Variants in SGCZ observed in about 807,000 individuals in gnomAD.
SGCZ encodes the protein sarcoglycan zeta.
Under a neutral mutation model 41.3 loss-of-function variants are expected in SGCZ, and 40 were observed. The ratio of observed to expected loss-of-function variants is 0.97; its 90% CI spans 0.75 to 1.26. SGCZ has a LOEUF of 1.26. Ranked by LOEUF, SGCZ falls within the 50% of genes most tolerant of loss-of-function variation. The probability of loss-of-function intolerance (pLI) is 0.00; values close to 1 mark genes in which losing one functional copy is unlikely to be tolerated. For missense variants in SGCZ, 552 were observed against 369.8 expected (o/e 1.49, Z -4.04); for synonymous variants, 206 against 137.5 (o/e 1.50, Z -3.49).
chr8:14,444,845 G>A (rs562512333), intron 2 of SGCZ, among the ~76,000 whole-genome samples: 2 of 152,052 alleles, frequency 1.3e-5, no homozygotes, highest in East Asian at 3.9e-4. Flanking sequence ...AATGAAGCCA[G>A]CTCTTAGATC....
At chr8:14,581,034 T>C (rs1804871245) in intron 1 of SGCZ, among the ~76,000 whole-genome samples, 2 of 152,212 alleles carry the variant, frequency 1.3e-5, no homozygotes, top group East Asian at 1.9e-4. Context: ...TCCTGTGAGA[T>C]ACTTTCCTCT....
chr8:14,832,953 A>C (rs1165503916), intron 1 of SGCZ, among the ~76,000 whole-genome samples: 1 of 152,080 alleles, frequency 6.6e-6, no homozygotes, highest in Non-Finnish European at 1.5e-5. Context: ...ATTACCATGA[A>C]TTTTAAAATA....
At chr8:14,890,519 C>A (rs938377444) in intron 1 of SGCZ, among the ~76,000 whole-genome samples, 13 of 152,116 alleles carry the variant, frequency 8.5e-5, no homozygotes, top group African/African-American at 3.1e-4. Context: ...GGAAGCTCAA[C>A]AAGAAAAGTT....
intron 2 of SGCZ, among the ~76,000 whole-genome samples, chr8:14,387,705 A>G (rs528809073): frequency 2.0e-5 from 3 of 152,008 alleles, no homozygotes; most frequent in Non-Finnish European, 4.4e-5. Flanking sequence ...GAGCACAAAA[A>G]GTACATTAAT....
intron 2 of SGCZ, among the ~76,000 whole-genome samples, chr8:14,438,000 A>G (rs1258953385): frequency 6.6e-6 from 1 of 151,976 alleles, no homozygotes; most frequent in Non-Finnish European, 1.5e-5. Context: ...AAATTTTATG[A>G]GCATTGTAAT....
At chr8:15,056,930 A>G (rs528205490) in intron 1 of SGCZ, among the ~76,000 whole-genome samples, 1 of 152,258 alleles carries the variant, frequency 6.6e-6, no homozygotes, top group Admixed American at 6.5e-5. Flanking sequence ...GGCAAGCTGA[A>G]GGTGACAAGG....
rs1203143786 is a variant in SGCZ at position 14,807,351 on chromosome 8, C to A, written c.40-252425G>T. Among the ~76,000 whole-genome samples the A allele has an allele frequency of 5.3e-5, 8 of 152,074 alleles. No individual in the cohort carries two copies. In the East Asian group the frequency reaches 1.2e-3, roughly 22 times the overall value. On this transcript the variant is annotated intron_variant, in intron 1 of 7. Transcript: ENST00000382080. ...AAACCCCATTGTCTCAGCCCAAAATCTCCTTAAGCTGATAAGCAACTTCAG... is the reference window on the plus strand; with the variant it reads ...AAACCCCATTGTCTCAGCCCAAAATATCCTTAAGCTGATAAGCAACTTCAG...
intron 1 of SGCZ, among the ~76,000 whole-genome samples, chr8:14,579,466 C>A (rs1160995925): frequency 6.6e-6 from 1 of 152,156 alleles, no homozygotes; most frequent in East Asian, 1.9e-4. Flanking sequence ...TCAAGTGAAG[C>A]AGTATTGATC....
intron 1 of SGCZ, among the ~76,000 whole-genome samples, chr8:14,840,706 A>G (rs1312168835): frequency 6.6e-6 from 1 of 152,082 alleles, no homozygotes; most frequent in South Asian, 2.1e-4. Context: ...TCTTGTCAGG[A>G]GCTATATTTT....
At chr8:15,034,286 A>T (rs1803791596) in intron 1 of SGCZ, among the ~76,000 whole-genome samples, 1 of 152,148 alleles carries the variant, frequency 6.6e-6, no homozygotes. Context: ...AAAATTAAAC[A>T]GAAATTTGGG....
intron 1 of SGCZ, among the ~76,000 whole-genome samples, chr8:14,910,182 AAC>A (rs1799241598): frequency 1.4e-5 from 2 of 143,026 alleles, no homozygotes; most frequent in South Asian, 4.4e-4. Context: ...CAAAACCAGT[AAC>A]ATATCTTCCA....
At chr8:14,451,737 A>C (rs568551868) in intron 2 of SGCZ, among the ~76,000 whole-genome samples, 2 of 152,326 alleles carry the variant, frequency 1.3e-5, no homozygotes, top group East Asian at 3.9e-4. Context: ...TAAGCATATA[A>C]AAAATGTCCA....
At chr8:15,217,851 G>A (rs1315276229) in intron 1 of SGCZ, among the ~76,000 whole-genome samples, 1 of 152,148 alleles carries the variant, frequency 6.6e-6, no homozygotes, top group Non-Finnish European at 1.5e-5. Context: ...ACTTTGGGAG[G>A]CTGAGTTGGA....
rs117576463 is a variant in SGCZ at position 14,996,975 on chromosome 8, G to A, written c.39+240610C>T. Among the ~76,000 whole-genome samples, 604 of 152,318 alleles carry A rather than the reference G, an allele frequency of 4.0e-3. 3 individuals are homozygous for A. Among genetic ancestry groups the A allele is most frequent in the Admixed American group, 5.8e-3 (88 of 15,302 alleles). ...AATTACTACTCTACATAGTAAGGAA[G>A]ACGCTCTTTTGTGTTCATTTGAAAA... is the stretch of plus-strand genomic sequence containing the variant. On this transcript the variant is annotated intron_variant, in intron 1 of 7. Coordinates refer to ENST00000382080, the MANE Select transcript of SGCZ (RefSeq NM_139167.4).
intron 1 of SGCZ, among the ~76,000 whole-genome samples, chr8:14,780,826 A>C (rs1800567138): frequency 6.6e-6 from 1 of 152,176 alleles, no homozygotes; most frequent in African/African-American, 2.4e-5. Flanking sequence ...TTACTTCCAG[A>C]GGAATGATTT....
chr8:14,669,620 A>T (rs1808036196), intron 1 of SGCZ, among the ~76,000 whole-genome samples: 1 of 151,896 alleles, frequency 6.6e-6, no homozygotes. Flanking sequence ...AATGGCCTCC[A>T]GGTCCATACA....
chr8:14,275,201 T>G (rs1585308847), intron 3 of SGCZ, among the ~76,000 whole-genome samples: 1 of 152,224 alleles, frequency 6.6e-6, no homozygotes, highest in East Asian at 1.9e-4. Context: ...CTGCAAGTTT[T>G]CTAATCAGTA....
chr8:14,317,396 G>A lies in SGCZ; in HGVS notation c.336+6707C>T, dbSNP rs555012149. 4.8e-4 allele frequency among the ~76,000 whole-genome samples: 73 copies of A among 152,004 alleles called. 2 individuals are homozygous for A. The South Asian group carries it at 0.015, about 31-fold the overall frequency. ...TTGAAACCAGTTATTGGACTCCAGAGCTGTAGTGTATGCTGAATGTTAGCT... is the reference window on the plus strand; with the variant it reads ...TTGAAACCAGTTATTGGACTCCAGAACTGTAGTGTATGCTGAATGTTAGCT... On this transcript the variant is annotated intron_variant, in intron 3 of 7. Coordinates refer to ENST00000382080, the MANE Select transcript of SGCZ (RefSeq NM_139167.4).
intron 1 of SGCZ, among the ~76,000 whole-genome samples, chr8:14,814,521 A>G (rs982650256): frequency 1.3e-5 from 2 of 152,222 alleles, no homozygotes; most frequent in South Asian, 4.1e-4. Context: ...AATTGAAGGC[A>G]GGAACCAAGT....
Sources: gnomAD v4.1 joint callset for allele counts (sites outside exome capture counted in the v4.1 genomes callset) on GRCh38, gnomAD v4.1.1 for gene constraint, MANE v1.5 for transcripts, NCBI Gene and HGNC (gene_info 2026-07-23, HGNC 2026-07-21) for gene names.